The following PKIB variants were observed in gnomAD, a reference collection of about 807,000 sequenced individuals.
The protein encoded by PKIB is PKI-beta.
In PKIB, 2 loss-of-function variants were observed where a neutral mutation model predicts 4.5. The observed-to-expected ratio is 0.44, with a 90% CI of 0.18 to 1.39. The LOEUF is 1.39. PKIB is among the 40% of genes most tolerant of loss of function. PKIB has a pLI of 0.27. For synonymous variants in PKIB, 38 were observed against 36.0 expected (o/e 1.06, Z -0.20); for missense variants, 94 against 92.6 (o/e 1.02, Z -0.06).
chr6:122,610,754 A>G (rs1774718930), intron 1 of PKIB, among the ~76,000 whole-genome samples: 1 of 152,360 alleles, frequency 6.6e-6, no homozygotes. Context: ...CAGGGTACTT[A>G]GAGAGTGAAA....
At chr6:122,504,858 C>A (rs1196802579) in intron 2 of PKIB, among the ~76,000 whole-genome samples, 1 of 152,188 alleles carries the variant, frequency 6.6e-6, no homozygotes, top group East Asian at 1.9e-4. Context: ...TGTGGGCCAG[C>A]CTCAACACCA....
chr6:122,611,374 T>C (rs1476003364), intron 1 of PKIB, among the ~76,000 whole-genome samples: 1 of 152,130 alleles, frequency 6.6e-6, no homozygotes, highest in African/African-American at 2.4e-5. Flanking sequence ...GAAAAGTGCA[T>C]GCGTGAACTA....
At chr6:122,513,637 C>T (rs1461597098) in intron 2 of PKIB, among the ~76,000 whole-genome samples, 1 of 152,076 alleles carries the variant, frequency 6.6e-6, no homozygotes, top group Non-Finnish European at 1.5e-5. Flanking sequence ...CCTTCCCTCC[C>T]CTGTCTAGTA....
chr6:122,591,021 T>TA lies in PKIB; in HGVS notation c.-161+5025dup, dbSNP rs531453981. Among the ~76,000 whole-genome samples the TA allele has an allele frequency of 7.1e-4, 103 of 145,994 alleles. 1 individual carries two copies. The highest frequency in any genetic ancestry group is 3.5e-3 in the Middle Eastern group (1 of 288). ...ATCTTTCACGAGTTTTGCCTTTTTT[T>TA]AAAAAAAAAAACAGACAAACAAAAA... On this transcript the variant is annotated intron_variant, in intron 3 of 6. Transcript: ENST00000392491.
intron 2 of PKIB, among the ~76,000 whole-genome samples, chr6:122,517,730 ATGGCATTC>A (rs1776805720): frequency 1.3e-5 from 2 of 152,222 alleles, no homozygotes; most frequent in Non-Finnish European, 2.9e-5. Context: ...AATTCTATTT[ATGGCATTC>A]TGTTTTTAGT....
intron 3 of PKIB, among the ~76,000 whole-genome samples, chr6:122,691,845 T>A (rs1170628957): frequency 1.3e-5 from 2 of 152,168 alleles, no homozygotes; most frequent in Admixed American, 1.3e-4. Flanking sequence ...TTGGGAAGCC[T>A]TTTCAGGTAT....
chr6:122,580,580 A>G (rs904865248), intron 2 of PKIB, among the ~76,000 whole-genome samples: 24 of 152,156 alleles, frequency 1.6e-4, no homozygotes, highest in African/African-American at 5.5e-4. Flanking sequence ...GCCCCATCTC[A>G]GATTGTAAAG....
intron 2 of PKIB, among the ~76,000 whole-genome samples, chr6:122,540,268 A>G (rs1488258566): frequency 6.6e-6 from 1 of 151,326 alleles, no homozygotes; most frequent in Non-Finnish European, 1.5e-5. Flanking sequence ...TTTAATTGTG[A>G]TGTTAGGGTG....
chr6:122,614,036 G>A (rs1299618710), intron 1 of PKIB, among the ~76,000 whole-genome samples: 2 of 151,584 alleles, frequency 1.3e-5, no homozygotes, highest in Non-Finnish European at 2.9e-5. Context: ...ACTGAACTGA[G>A]GTACACTTTT....
chr6:122,543,885 C>G (rs1251356908), intron 2 of PKIB, among the ~76,000 whole-genome samples: 1 of 151,988 alleles, frequency 6.6e-6, no homozygotes, highest in Non-Finnish European at 1.5e-5. Flanking sequence ...TTAATCCACT[C>G]TAGTTGAATA....
chr6:122,541,748 C>A (rs961364991), intron 2 of PKIB, among the ~76,000 whole-genome samples: 9 of 151,982 alleles, frequency 5.9e-5, no homozygotes, highest in East Asian at 1.9e-4. Context: ...AGATTGGGGA[C>A]GTTCTCCTGG....
chr6:122,599,359 G>T (rs1260139848), intron 3 of PKIB, among the ~76,000 whole-genome samples: 1 of 152,154 alleles, frequency 6.6e-6, no homozygotes, highest in African/African-American at 2.4e-5. Flanking sequence ...ATTCCAAGTT[G>T]CAGGGTCCCA....
chr6:122,672,835 A>G (rs1777520876), intron 2 of PKIB, among the ~76,000 whole-genome samples: 2 of 152,022 alleles, frequency 1.3e-5, no homozygotes, highest in South Asian at 4.1e-4. Context: ...AATTATTTTT[A>G]TATTTGTTAG....
intron 3 of PKIB, among the ~76,000 whole-genome samples, chr6:122,684,062 T>C (rs908029798): frequency 3.9e-5 from 6 of 152,152 alleles, no homozygotes; most frequent in African/African-American, 1.4e-4. Flanking sequence ...TGGATAAACT[T>C]TGAGGTGAAA....
intron 2 of PKIB, among the ~76,000 whole-genome samples, chr6:122,543,655 C>T (rs1226454974): frequency 6.6e-6 from 1 of 151,972 alleles, no homozygotes; most frequent in African/African-American, 2.4e-5. Context: ...GCTGGGATTA[C>T]AGGCATGAGC....
intron 2 of PKIB, among the ~76,000 whole-genome samples, chr6:122,497,162 C>A (rs1776095107): frequency 1.3e-5 from 2 of 152,146 alleles, no homozygotes; most frequent in Non-Finnish European, 2.9e-5. Context: ...AAATCTTGTT[C>A]AGACAAGAAA....
chr6:122,679,299 G>A (rs1582804850), intron 3 of PKIB, among the ~76,000 whole-genome samples: 1 of 152,208 alleles, frequency 6.6e-6, no homozygotes, highest in East Asian at 1.9e-4. Flanking sequence ...TGGACTGGAG[G>A]GGAGCAGAGG....
intron 1 of PKIB, among the ~76,000 whole-genome samples, chr6:122,627,580 TC>T (rs1775508313): frequency 6.6e-6 from 1 of 152,220 alleles, no homozygotes; most frequent in Admixed American, 6.5e-5. Flanking sequence ...TCTGGATAAT[TC>T]CTGGGGTGTA....
chr6:122,500,836 A>G (rs1776210037), intron 2 of PKIB, among the ~76,000 whole-genome samples: 1 of 152,216 alleles, frequency 6.6e-6, no homozygotes, highest in Non-Finnish European at 1.5e-5. Flanking sequence ...ATTTGCAATC[A>G]TGGCAGAAGG....
Sources: gnomAD v4.1 joint callset for allele counts (sites outside exome capture counted in the v4.1 genomes callset) on GRCh38, gnomAD v4.1.1 for gene constraint, MANE v1.5 for transcripts, NCBI Gene and HGNC (gene_info 2026-07-23, HGNC 2026-07-21) for gene names.